The following AKT3 variants were observed in gnomAD, a reference collection of about 807,000 sequenced individuals.
AKT3 encodes the protein RAC-gamma serine/threonine-protein kinase.
In AKT3, 15 loss-of-function variants were observed where a neutral mutation model predicts 65.3. The ratio of observed to expected loss-of-function variants is 0.23; its 90% CI spans 0.15 to 0.35. The LOEUF is 0.35. Among genes scored for constraint, AKT3 ranks in the 10% least tolerant of loss-of-function variants. AKT3 has a pLI of 1.00. For missense variants in AKT3, 243 were observed against 576.5 expected (o/e 0.42, Z 5.92); for synonymous variants, 206 against 183.8 (o/e 1.12, Z -0.98).
At chr1:243,580,156 T>C (rs568151929) in intron 8 of AKT3, among the ~76,000 whole-genome samples, 1 of 152,238 alleles carries the variant, frequency 6.6e-6, no homozygotes, top group South Asian at 2.1e-4. Context: ...AAAACAGGAA[T>C]CTACTGGAAT....
chr1:243,815,338 T>C (rs1693442613), intron 2 of AKT3, among the ~76,000 whole-genome samples: 1 of 152,202 alleles, frequency 6.6e-6, no homozygotes, highest in South Asian at 2.1e-4. Flanking sequence ...TTATTGCACA[T>C]GACAGAGTTG....
intron 2 of AKT3, among the ~76,000 whole-genome samples, chr1:243,812,892 C>G (rs1232524584): frequency 6.6e-6 from 1 of 151,756 alleles, no homozygotes; most frequent in Non-Finnish European, 1.5e-5. Context: ...AGCTGGAAAC[C>G]ATCATTCTCA....
intron 6 of AKT3, among the ~76,000 whole-genome samples, chr1:243,628,077 G>A (rs1468178177): frequency 6.6e-6 from 1 of 152,208 alleles, no homozygotes; most frequent in Non-Finnish European, 1.5e-5. Flanking sequence ...AGACAAGAAA[G>A]TATAGAACAC....
At chr1:243,693,412 T>C (rs1285869048) in intron 3 of AKT3, among the ~76,000 whole-genome samples, 1 of 151,066 alleles carries the variant, frequency 6.6e-6, no homozygotes, top group Admixed American at 6.6e-5. Flanking sequence ...CACCAATTGT[T>C]CCTTCCTTAA....
intron 2 of AKT3, among the ~76,000 whole-genome samples, chr1:243,704,159 T>C (rs1229370514): frequency 6.6e-6 from 1 of 152,192 alleles, no homozygotes; most frequent in Non-Finnish European, 1.5e-5. Flanking sequence ...AGCTCACTCA[T>C]TTTAAGGTGC....
chr1:243,512,463 T>G, intron 12 of AKT3, 37 bp from the exon 13 acceptor site: 1 of 1,284,430 alleles, frequency 7.8e-7, no homozygotes, highest in Non-Finnish European at 1.1e-6. Flanking sequence ...ATTAACTGAT[T>G]TCAATTCAGG....
At chr1:243,642,410 C>G (rs2608606) in intron 5 of AKT3, among the ~76,000 whole-genome samples, 7,069 of 152,140 alleles carry the variant, frequency 0.046, 558 homozygotes, top group African/African-American at 0.16. Context: ...CCTGAGATCA[C>G]GACATTCTCC....
intron 8 of AKT3, among the ~76,000 whole-genome samples, chr1:243,588,178 G>A (rs770585958): frequency 3.3e-5 from 5 of 152,180 alleles, no homozygotes; most frequent in Admixed American, 1.3e-4. Flanking sequence ...GAACACTAAT[G>A]AGGAGGAAGC....
intron 2 of AKT3, among the ~76,000 whole-genome samples, chr1:243,815,106 T>A (rs1693423087): frequency 6.6e-6 from 1 of 152,210 alleles, no homozygotes; most frequent in Non-Finnish European, 1.5e-5. Flanking sequence ...AACCCATTTC[T>A]TAATTTTAGT....
chr1:243,680,950 A>T (rs1057372434), intron 3 of AKT3, among the ~76,000 whole-genome samples: 2 of 152,176 alleles, frequency 1.3e-5, no homozygotes, highest in East Asian at 1.9e-4. Context: ...ACTAGTCTAG[A>T]GGCATGGAAA....
chr1:243,774,056 A>G (rs1690382025), intron 2 of AKT3, among the ~76,000 whole-genome samples: 2 of 152,206 alleles, frequency 1.3e-5, no homozygotes, highest in Non-Finnish European at 2.9e-5. Context: ...TGAAAGAGCA[A>G]GAAAAAAAAG....
At chr1:243,516,479 T>C (rs556183679) in intron 12 of AKT3, among the ~76,000 whole-genome samples, 13 of 152,336 alleles carry the variant, frequency 8.5e-5, no homozygotes, top group Middle Eastern at 6.8e-3. Flanking sequence ...TTTCATTGAT[T>C]GCTATCCCAA....
intron 5 of AKT3, among the ~76,000 whole-genome samples, chr1:243,643,918 A>C (rs1465067655): frequency 6.6e-6 from 1 of 152,234 alleles, no homozygotes; most frequent in Non-Finnish European, 1.5e-5. Context: ...TAGTTCTAGA[A>C]TCATTTATCT....
In AKT3 at chr1:243,843,138, C is replaced by T; in HGVS notation, c.33G>A (p.Trp11Ter). MSDVTIVKEG[W>*]VQKRGEYIKN... Reference sequence around the variant, plus strand: ...CGGAGCACTTACCCCTCTTCTGAACCCAACCTTCTTTCACAATGGTAACAT... The same window carrying T: ...CGGAGCACTTACCCCTCTTCTGAACTCAACCTTCTTTCACAATGGTAACAT... Residue 11 changes from tryptophan (W) to a stop codon, truncating the protein, a stop_gained, in exon 2 of 14, where the codon TGG (tryptophan) becomes TGA (stop). Transcript: ENST00000673466. LOFTEE classifies it high-confidence loss of function. The T allele has an allele frequency of 6.2e-7, 1 of 1,613,922 alleles. No individual in the cohort carries two copies.
At chr1:243,520,737 G>T (rs1237078204) in intron 12 of AKT3, among the ~76,000 whole-genome samples, 1 of 152,172 alleles carries the variant, frequency 6.6e-6, no homozygotes, top group African/African-American at 2.4e-5. Context: ...TAAACAAGAG[G>T]ATAAAGTTTC....
chr1:243,584,450 A>G (rs1045793489), intron 8 of AKT3, among the ~76,000 whole-genome samples: 6 of 151,982 alleles, frequency 3.9e-5, no homozygotes, highest in African/African-American at 1.4e-4. Context: ...AAAGCCAGTA[A>G]CATCCTGATA....
chr1:243,590,608 T>C (rs55778834), intron 8 of AKT3, among the ~76,000 whole-genome samples: 77,624 of 151,654 alleles, frequency 0.51, 23,888 homozygotes, highest in Non-Finnish European at 0.68. Flanking sequence ...TAAAGGGAAA[T>C]AGAAACAAAT....
rs912411401 is a variant in AKT3 at position 243,824,846 on chromosome 1, C to A, written c.46+18279G>T. Among the ~76,000 whole-genome samples, 13 of 152,292 alleles carry A rather than the reference C, an allele frequency of 8.5e-5. 1 individual carries two copies. The highest frequency in any genetic ancestry group is 6.8e-3 in the Middle Eastern group (2 of 294). On this transcript the variant is annotated intron_variant, in intron 2 of 13. Transcript: ENST00000673466. ...TCAACCATTGTGGAAGATAGTGTGG[C>A]TATTCCTCAAAGACCTAGAACCAGA...
intron 2 of AKT3, among the ~76,000 whole-genome samples, chr1:243,733,234 T>C (rs759706532): frequency 6.6e-6 from 1 of 152,136 alleles, no homozygotes; most frequent in Non-Finnish European, 1.5e-5. Context: ...AAAGGCAAAA[T>C]TCAAATACTT....
Sources: allele counts gnomAD v4.1 joint callset (sites outside exome capture counted in the v4.1 genomes callset), GRCh38; gene constraint gnomAD v4.1.1; transcripts MANE v1.5; gene names NCBI Gene and HGNC (gene_info 2026-07-23, HGNC 2026-07-21).